Variants in RBM4 observed in about 807,000 individuals in gnomAD.
RBM4 encodes the protein RNA-binding protein 4.
Under a neutral mutation model 29.5 loss-of-function variants are expected in RBM4, and 7 were observed. The ratio of observed to expected loss-of-function variants is 0.24; its 90% CI spans 0.14 to 0.45. RBM4 has a LOEUF of 0.45. RBM4 is among the 20% of genes least tolerant of loss of function. The pLI is 1.00. For synonymous variants in RBM4, 220 were observed against 205.4 expected (o/e 1.07, Z -0.61); for missense variants, 387 against 502.3 (o/e 0.77, Z 2.19).
intron 2 of RBM4, among the ~76,000 whole-genome samples, chr11:66,641,897 C>T (rs778449233): frequency 6.6e-6 from 1 of 152,196 alleles, no homozygotes; most frequent in African/African-American, 2.4e-5. Context: ...AATTTAACTT[C>T]TTTTTCTGGC....
At chr11:66,640,267 T>C (rs1445543239) in intron 2 of RBM4, 144 bp downstream of exon 2, 4 of 1,081,984 alleles carry the variant, frequency 3.7e-6, no homozygotes, top group Admixed American at 2.1e-5. Flanking sequence ...GGACTTCTTA[T>C]GATGTAGAAT....
At chr11:66,662,368 T>C (rs1939099857) in intron 2 of RBM4, among the ~76,000 whole-genome samples, 1 of 152,166 alleles carries the variant, frequency 6.6e-6, no homozygotes, top group African/African-American at 2.4e-5. Context: ...TTTTTTTTCT[T>C]GTGCCAATGA....
At chr11:66,641,999 C>T (rs963420306) in intron 2 of RBM4, among the ~76,000 whole-genome samples, 7 of 152,206 alleles carry the variant, frequency 4.6e-5, no homozygotes. Flanking sequence ...CACTTGTTTT[C>T]TCTGGTTTTG....
intron 2 of RBM4, among the ~76,000 whole-genome samples, chr11:66,659,263 C>CTTTTTTTTTTTTTTTTTT (rs767959263): frequency 5.9e-5 from 4 of 67,308 alleles, no homozygotes; most frequent in Non-Finnish European, 8.0e-5. Flanking sequence ...CTTCTTGGTT[C>CTTTTTTTTTTTTTTTTTT]TTTTTTTTTT....
intron 2 of RBM4, among the ~76,000 whole-genome samples, chr11:66,663,113 A>G (rs1373927981): frequency 6.6e-6 from 1 of 152,270 alleles, no homozygotes; most frequent in African/African-American, 2.4e-5. Context: ...ACATTTCCAT[A>G]TAAAGTACAA....
intron 2 of RBM4, among the ~76,000 whole-genome samples, chr11:66,662,650 G>A (rs1278762893): frequency 1.3e-5 from 2 of 152,168 alleles, no homozygotes; most frequent in Non-Finnish European, 2.9e-5. Flanking sequence ...CAATCCACCT[G>A]CCTCAGCCTC....
chr11:66,641,761 G>A (rs1342940170), intron 2 of RBM4, among the ~76,000 whole-genome samples: 1 of 152,048 alleles, frequency 6.6e-6, no homozygotes, highest in South Asian at 2.1e-4. Context: ...TACTGTTCTG[G>A]TAGAATTATA....
intron 1 of RBM4, chr11:66,639,304 A>G (rs534969656): frequency 5.5e-6 from 1 of 181,184 alleles, no homozygotes; most frequent in East Asian, 1.5e-4. Context: ...TTCCTACGTG[A>G]GGAAAAGCCT....
In RBM4 at chr11:66,665,931, T is replaced by G; in HGVS notation, c.488T>G (p.Leu163Ter). The G allele has an allele frequency of 6.5e-7, 1 of 1,535,364 alleles. No homozygotes were observed. The highest frequency in any genetic ancestry group is 8.7e-7 in the Non-Finnish European group (1 of 1,146,708). ...ACATACATTTTCAAGAACTGCAATT[T>G]AATTTTGGAGTCCAGGAAAAGCAGA... Residue 163 changes from leucine (L) to a stop codon, truncating the protein, a stop_gained, in exon 3 of 3, where the codon TTA (leucine) becomes TGA (stop). Coordinates refer to the RBM4 transcript ENST00000396053. LOFTEE classifies it high-confidence loss of function.
intron 2 of RBM4, among the ~76,000 whole-genome samples, chr11:66,659,813 C>T (rs1314050926): frequency 6.6e-6 from 1 of 152,198 alleles, no homozygotes; most frequent in Non-Finnish European, 1.5e-5. Context: ...ATGCTATCCT[C>T]TCCCACCAAG....
At chr11:66,654,911 G>C (rs758165228) in intron 2 of RBM4, among the ~76,000 whole-genome samples, 4 of 151,264 alleles carry the variant, frequency 2.6e-5, no homozygotes, top group Non-Finnish European at 5.9e-5. Flanking sequence ...TACAACGTCC[G>C]CCTCCCAGGT....
chr11:66,651,168 T>TAA (rs1938821839), downstream of RBM4, among the ~76,000 whole-genome samples: 1 of 152,116 alleles, frequency 6.6e-6, no homozygotes, highest in Non-Finnish European at 1.5e-5. Flanking sequence ...TCATTGGCAC[T>TAA]AGTATTAAGT....
chr11:66,644,105 C>CGAT lies in RBM4; in HGVS notation c.1069_1071dup (p.Asp357dup), dbSNP rs750890195. ...CCCGGTATGAGCGGGAGCAGTATGC[C>CGAT]GATCGGGCGCGGTACTCAGCCTTTT... On this transcript the variant is annotated inframe_insertion, in exon 3 of 4. Transcript: ENST00000310092. 1 of 1,613,794 alleles carries CGAT rather than the reference C, an allele frequency of 6.2e-7. No individual in the cohort carries two copies.
At chr11:66,649,083 C>A (rs146083085), downstream of RBM4, among the ~76,000 whole-genome samples, 1 of 151,884 alleles carries the variant, frequency 6.6e-6, no homozygotes, top group Non-Finnish European at 1.5e-5. Flanking sequence ...TCTGGCTCAC[C>A]GCAGCCTCTG....
intron 2 of RBM4, among the ~76,000 whole-genome samples, chr11:66,653,958 G>C (rs139546425): frequency 6.6e-6 from 1 of 152,032 alleles, no homozygotes; most frequent in African/African-American, 2.4e-5. Context: ...TTGGAAGGCC[G>C]AGGTGCAAGG....
At chr11:66,663,361 GAATTT>G (rs997025079) in intron 2 of RBM4, among the ~76,000 whole-genome samples, 2 of 152,110 alleles carry the variant, frequency 1.3e-5, no homozygotes, top group African/African-American at 2.4e-5. Context: ...GCTCATAAGT[GAATTT>G]AATTTTTTAT....
rs1380787872 is a variant in RBM4 at position 66,657,881 on chromosome 11, G to A, written c.413-7975G>A. Among the ~76,000 whole-genome samples, 3 of 151,708 alleles carry A rather than the reference G, an allele frequency of 2.0e-5. No homozygotes were observed. In the East Asian group the frequency reaches 5.9e-4, roughly 30 times the overall value. On this transcript the variant is annotated intron_variant, in intron 2 of 2. Coordinates refer to the RBM4 transcript ENST00000396053. Reference sequence around the variant, plus strand: ...TGGGACCACTGGCGCATGCCAGCATGCCCAACTAATTTCTGTATTTTGTAG... The same window carrying A: ...TGGGACCACTGGCGCATGCCAGCATACCCAACTAATTTCTGTATTTTGTAG...
At chr11:66,639,535 C>A in intron 1 of RBM4, 165 bp from the exon 2 acceptor site, 2 of 845,876 alleles carry the variant, frequency 2.4e-6, no homozygotes, top group Non-Finnish European at 1.8e-6. Context: ...GCTACTATAG[C>A]AGGCCTTAGT....
At chr11:66,649,881 A>C (rs1323044512), downstream of RBM4, 1 of 579,174 alleles carries the variant, frequency 1.7e-6, no homozygotes, top group African/African-American at 1.9e-5. Flanking sequence ...GTCTGGTCAA[A>C]ATGTAGTTTT....
Sources: gnomAD v4.1 joint callset for allele counts (sites outside exome capture counted in the v4.1 genomes callset) on GRCh38, gnomAD v4.1.1 for gene constraint, MANE v1.5 for transcripts, NCBI Gene and HGNC (gene_info 2026-07-23, HGNC 2026-07-21) for gene names.